CEP128: variants seen among roughly 807,000 people sequenced by gnomAD.
The protein encoded by CEP128 is centrosomal protein 128.
Under a neutral mutation model 156.7 loss-of-function variants are expected in CEP128, and 132 were observed. The ratio of observed to expected loss-of-function variants is 0.84; its 90% CI spans 0.73 to 0.97. The LOEUF is 0.97. Ranked by LOEUF, CEP128 falls within the 50% of genes least tolerant of loss-of-function variation. CEP128 has a pLI of 0.00. For synonymous variants in CEP128, 469 were observed against 448.9 expected, an observed-to-expected ratio of 1.04 and a Z score of -0.57; for missense variants, 1,252 against 1,281.9, an observed-to-expected ratio of 0.98 and a Z score of 0.36.
chr14:80,877,442 G>T (rs543884158), intron 8 of CEP128, among the ~76,000 whole-genome samples: 1 of 152,148 alleles, frequency 6.6e-6, no homozygotes, highest in East Asian at 1.9e-4. Flanking sequence ...CAAGAAATAA[G>T]TTGTAAAAAA....
At chr14:80,920,823 C>A (rs1250143932) in intron 2 of CEP128, among the ~76,000 whole-genome samples, 1 of 152,164 alleles carries the variant, frequency 6.6e-6, no homozygotes, top group African/African-American at 2.4e-5. Flanking sequence ...CTACACTTTC[C>A]TAATGGGAAC....
chr14:80,500,735 G>A (rs1359838127), intron 24 of CEP128, among the ~76,000 whole-genome samples: 2 of 151,960 alleles, frequency 1.3e-5, no homozygotes, highest in Non-Finnish European at 2.9e-5. Flanking sequence ...AGCCTATATT[G>A]CTATTTTCTG....
At chr14:80,525,306 C>A (rs960370927) in intron 23 of CEP128, among the ~76,000 whole-genome samples, 2 of 152,150 alleles carry the variant, frequency 1.3e-5, no homozygotes, top group African/African-American at 4.8e-5. Flanking sequence ...TAAAGCCAGG[C>A]AGACTTAGGT....
intron 19 of CEP128, among the ~76,000 whole-genome samples, chr14:80,633,587 T>G (rs1894055489): frequency 6.6e-6 from 1 of 152,188 alleles, no homozygotes; most frequent in South Asian, 2.1e-4. Flanking sequence ...ATTTCTAATC[T>G]TAACAATCAG....
chr14:80,603,069 T>C (rs1416590501), intron 19 of CEP128, among the ~76,000 whole-genome samples: 1 of 152,164 alleles, frequency 6.6e-6, no homozygotes, highest in Non-Finnish European at 1.5e-5. Context: ...CTTTTAAACT[T>C]AATGGGAGGA....
intron 19 of CEP128, among the ~76,000 whole-genome samples, chr14:80,656,763 T>C (rs1895190132): frequency 6.6e-6 from 1 of 152,108 alleles, no homozygotes; most frequent in South Asian, 2.1e-4. Flanking sequence ...TTACTAAATT[T>C]CCCTCCTCTG....
intron 19 of CEP128, among the ~76,000 whole-genome samples, chr14:80,673,314 C>A (rs1291494151): frequency 6.6e-6 from 1 of 152,084 alleles, no homozygotes; most frequent in African/African-American, 2.4e-5. Flanking sequence ...CTCAGTAAAA[C>A]TATTGTTTCA....
chr14:80,882,508 T>G (rs1195583462), intron 8 of CEP128, among the ~76,000 whole-genome samples: 1 of 152,154 alleles, frequency 6.6e-6, no homozygotes, highest in East Asian at 1.9e-4. Context: ...GAGAATGGTA[T>G]GAAGGGTCCT....
intron 9 of CEP128, among the ~76,000 whole-genome samples, chr14:80,861,645 T>A (rs1299053251): frequency 6.6e-6 from 1 of 152,078 alleles, no homozygotes; most frequent in Non-Finnish European, 1.5e-5. Flanking sequence ...TGTTCCAGAT[T>A]AAAGGAAACT....
intron 19 of CEP128, among the ~76,000 whole-genome samples, chr14:80,649,932 GT>G (rs771926653): frequency 3.6e-4 from 55 of 152,098 alleles, no homozygotes; most frequent in Non-Finnish European, 4.6e-4. Flanking sequence ...ATTTGAAGTA[GT>G]TTTTTCTAAT....
At chr14:80,822,459 C>A (rs1279215672) in intron 13 of CEP128, 1 of 536,462 alleles carries the variant, frequency 1.9e-6, no homozygotes, top group Non-Finnish European at 3.6e-6. Context: ...GAGAACGAAC[C>A]CCTAACCAAC....
chr14:80,617,181 T>C (rs1318396597), intron 19 of CEP128, among the ~76,000 whole-genome samples: 2 of 147,626 alleles, frequency 1.4e-5, no homozygotes, highest in East Asian at 2.0e-4. Flanking sequence ...TACTCTCTGA[T>C]CCATTGGGGC....
chr14:80,583,526 T>A (rs1486818098), intron 19 of CEP128, among the ~76,000 whole-genome samples: 1 of 152,200 alleles, frequency 6.6e-6, no homozygotes, highest in East Asian at 1.9e-4. Context: ...GGTGTCCTTT[T>A]AGAGGATTAA....
chr14:80,531,170 T>C (rs936092623), intron 21 of CEP128, among the ~76,000 whole-genome samples: 7 of 152,222 alleles, frequency 4.6e-5, no homozygotes, highest in African/African-American at 1.7e-4. Context: ...TATGAAACTT[T>C]CTATAGACTA....
chr14:80,794,933 G>A (rs187361696), intron 13 of CEP128, among the ~76,000 whole-genome samples: 13 of 152,288 alleles, frequency 8.5e-5, no homozygotes, highest in African/African-American at 2.4e-4. Flanking sequence ...AATGCATTGA[G>A]TACTCGAGTT....
intron 12 of CEP128, among the ~76,000 whole-genome samples, chr14:80,834,086 T>C (rs1885950611): frequency 6.6e-6 from 1 of 152,160 alleles, no homozygotes; most frequent in Non-Finnish European, 1.5e-5. Flanking sequence ...CAAATAGAGC[T>C]AGATTTAGGA....
intron 2 of CEP128, among the ~76,000 whole-genome samples, chr14:80,947,372 A>G (rs573092462): frequency 2.6e-5 from 4 of 152,330 alleles, no homozygotes; most frequent in African/African-American, 9.6e-5. Context: ...GTTGAGAAAG[A>G]AAAAGAAGAA....
chr14:80,577,605 A>C (rs1277360902), intron 20 of CEP128, among the ~76,000 whole-genome samples: 1 of 152,090 alleles, frequency 6.6e-6, no homozygotes, highest in Non-Finnish European at 1.5e-5. Flanking sequence ...GGTCACCATC[A>C]TCTCTTGCCG....
At chr14:80,930,937 C>T (rs1464797100) in intron 2 of CEP128, among the ~76,000 whole-genome samples, 2 of 152,146 alleles carry the variant, frequency 1.3e-5, no homozygotes, top group African/African-American at 2.4e-5. Context: ...AAAGGTGGCA[C>T]GTGTTCCTCT....
Sources: gnomAD v4.1 joint callset for allele counts (sites outside exome capture counted in the v4.1 genomes callset) on GRCh38, gnomAD v4.1.1 for gene constraint, MANE v1.5 for transcripts, NCBI Gene and HGNC (gene_info 2026-07-23, HGNC 2026-07-21) for gene names.